DTNB: variants seen among roughly 807,000 people sequenced by gnomAD.
DTNB encodes dystrobrevin beta.
A neutral mutation model predicts 90.7 loss-of-function variants in DTNB; 63 were observed. The observed-to-expected ratio is 0.69, with a 90% CI of 0.57 to 0.86. The LOEUF (loss-of-function observed/expected upper bound fraction) is 0.86, where lower values mean the gene tolerates loss of function less well. Among genes scored for constraint, DTNB ranks in the 40% least tolerant of loss-of-function variants. The pLI is 0.00. For synonymous variants in DTNB, 277 were observed against 286.7 expected (o/e 0.97, Z 0.34); for missense variants, 744 against 807.1 (o/e 0.92, Z 0.95).
At chr2:25,482,962 C>G in intron 9 of DTNB, 89 bp from the exon 10 acceptor site, 1 of 1,332,718 alleles carries the variant, frequency 7.5e-7, no homozygotes, top group Non-Finnish European at 1.0e-6. Context: ...AGCAAAGGGA[C>G]CAATCATCAT....
intron 10 of DTNB, among the ~76,000 whole-genome samples, chr2:25,470,222 G>A (rs2062538216): frequency 6.6e-6 from 1 of 152,082 alleles, no homozygotes; most frequent in South Asian, 2.1e-4. Context: ...CACCAAAGCA[G>A]GAGGAAGACG....
intron 1 of DTNB, among the ~76,000 whole-genome samples, chr2:25,668,534 T>C (rs889059479): frequency 1.3e-5 from 2 of 152,232 alleles, no homozygotes; most frequent in Admixed American, 6.5e-5. Context: ...CATAGAACTA[T>C]ACAATACAAA....
At chr2:25,586,692 T>G (rs370521929) in intron 6 of DTNB, among the ~76,000 whole-genome samples, 1 of 152,080 alleles carries the variant, frequency 6.6e-6, no homozygotes, top group Admixed American at 6.6e-5. Flanking sequence ...GACACAATCC[T>G]AAGATGAAAG....
At chr2:25,475,763 A>G (rs1462794675) in intron 10 of DTNB, among the ~76,000 whole-genome samples, 3 of 152,228 alleles carry the variant, frequency 2.0e-5, no homozygotes, top group Non-Finnish European at 4.4e-5. Context: ...ATGCTCATTT[A>G]CCATTCTGAA....
chr2:25,662,179 A>C (rs2083322495), intron 1 of DTNB, among the ~76,000 whole-genome samples: 1 of 151,982 alleles, frequency 6.6e-6, no homozygotes, highest in Non-Finnish European at 1.5e-5. Flanking sequence ...CAAAAAAAAC[A>C]AATGGATGTA....
At chr2:25,418,911 A>G (rs1004343531) in intron 16 of DTNB, among the ~76,000 whole-genome samples, 8 of 152,120 alleles carry the variant, frequency 5.3e-5, no homozygotes, top group Non-Finnish European at 1.0e-4. Context: ...GGATAAACAG[A>G]AACAAACATA....
At chr2:25,397,202 G>C (rs2042595766) in intron 16 of DTNB, among the ~76,000 whole-genome samples, 1 of 151,944 alleles carries the variant, frequency 6.6e-6, no homozygotes, top group Admixed American at 6.6e-5. Context: ...TAGCCAAAAA[G>C]TAAAAACAAT....
intron 14 of DTNB, among the ~76,000 whole-genome samples, 164 bp downstream of exon 14, chr2:25,432,722 C>T (rs964540117): frequency 6.6e-5 from 10 of 152,104 alleles, no homozygotes; most frequent in Non-Finnish European, 1.2e-4. Context: ...CTAATGGAAC[C>T]CAGACATCTG....
chr2:25,471,481 C>T (rs546114292), intron 10 of DTNB, among the ~76,000 whole-genome samples: 6 of 151,966 alleles, frequency 3.9e-5, no homozygotes, highest in South Asian at 2.1e-4. Context: ...CTGAAACCTC[C>T]GTCTCCCAGG....
intron 9 of DTNB, among the ~76,000 whole-genome samples, chr2:25,507,720 A>G (rs1272796398): frequency 6.6e-6 from 1 of 152,186 alleles, no homozygotes; most frequent in African/African-American, 2.4e-5. Context: ...ATCCTTTTAA[A>G]ATGGAAGTCA....
chr2:25,670,174 T>C (rs993006588), intron 1 of DTNB, among the ~76,000 whole-genome samples: 2 of 152,216 alleles, frequency 1.3e-5, no homozygotes, highest in Admixed American at 6.5e-5. Context: ...CTCAAAATCA[T>C]TCTGTTAGGG....
chr2:25,667,350 G>A lies in DTNB; in HGVS notation c.-2+6036C>T, dbSNP rs534588536. ...CTAAAAATACAAAAATTAGCCAGGC[G>A]TGGTGGCGGGTGCCTATAATCCCAG... On this transcript the variant is annotated intron_variant, in intron 1 of 20. Transcript: ENST00000406818. Among the ~76,000 whole-genome samples the A allele has an allele frequency of 5.1e-4, 77 of 152,020 alleles. 1 individual carries two copies. The highest frequency in any genetic ancestry group is 2.1e-4 in the South Asian group (1 of 4,810).
rs990627018 is a variant in DTNB, at chr2:25,502,134, G to A, written c.1002-19261C>T. Among the ~76,000 whole-genome samples, 5 of 151,998 alleles carry A rather than the reference G, an allele frequency of 3.3e-5. No homozygotes were observed. In the East Asian group the frequency reaches 7.7e-4, roughly 23 times the overall value. ...AGGGAGGTGGAGTCTGCAGTGAGCCGTGATTGCACCACTGCACTCCAACCT... is the reference window on the plus strand; with the variant it reads ...AGGGAGGTGGAGTCTGCAGTGAGCCATGATTGCACCACTGCACTCCAACCT... On this transcript the variant is annotated intron_variant, in intron 9 of 20. Transcript: ENST00000406818.
At chr2:25,497,160 G>C (rs1575112979) in intron 9 of DTNB, 1 of 152,200 alleles carries the variant, frequency 6.6e-6, no homozygotes, top group East Asian at 1.9e-4. Flanking sequence ...GGAGGCTCAA[G>C]AGGACAACTC....
At chr2:25,461,778 G>A (rs968805909) in intron 10 of DTNB, among the ~76,000 whole-genome samples, 3 of 152,138 alleles carry the variant, frequency 2.0e-5, no homozygotes, top group African/African-American at 7.2e-5. Flanking sequence ...ACCAATAAAC[G>A]TAAACTTGCA....
intron 9 of DTNB, among the ~76,000 whole-genome samples, chr2:25,498,476 C>G (rs1476286985): frequency 6.6e-6 from 1 of 152,070 alleles, no homozygotes; most frequent in Non-Finnish European, 1.5e-5. Context: ...TCTTTCAAGG[C>G]TACAAACTCT....
intron 15 of DTNB, among the ~76,000 whole-genome samples, chr2:25,422,498 T>G (rs1053024218): frequency 6.9e-6 from 1 of 144,358 alleles, no homozygotes; most frequent in Non-Finnish European, 1.5e-5. Context: ...CTCCGCCTCC[T>G]GGGTTCAAGT....
intron 9 of DTNB, among the ~76,000 whole-genome samples, chr2:25,490,131 C>A (rs576837334): frequency 2.2e-4 from 34 of 152,186 alleles, no homozygotes; most frequent in African/African-American, 8.2e-4. Context: ...AAAAAATCAG[C>A]TAGGTGTGGT....
chr2:25,560,705 A>T (rs2058124561), intron 8 of DTNB, among the ~76,000 whole-genome samples: 2 of 152,230 alleles, frequency 1.3e-5, no homozygotes, highest in Admixed American at 1.3e-4. Context: ...ATTTCCTTAC[A>T]ATAAATCTCA....
Sources: gnomAD v4.1 joint callset for allele counts (sites outside exome capture counted in the v4.1 genomes callset) on GRCh38, gnomAD v4.1.1 for gene constraint, MANE v1.5 for transcripts, NCBI Gene and HGNC (gene_info 2026-07-23, HGNC 2026-07-21) for gene names.